Variants in ANTXR1 observed in about 807,000 individuals in gnomAD.
ANTXR1 encodes the protein ANTXR cell adhesion molecule 1, also known as anthrax toxin receptor 1.
Under a neutral mutation model 78.1 loss-of-function variants are expected in ANTXR1, and 19 were observed. That is an observed-to-expected ratio of 0.24 (90% confidence interval 0.17 to 0.36). The LOEUF (loss-of-function observed/expected upper bound fraction) is 0.36, where lower values mean the gene tolerates loss of function less well. Among genes scored for constraint, ANTXR1 ranks in the 10% least tolerant of loss-of-function variants. The pLI is 1.00. For synonymous variants in ANTXR1, 273 were observed against 260.5 expected (o/e 1.05, Z -0.46); for missense variants, 518 against 718.6 (o/e 0.72, Z 3.19).
At chr2:69,040,011 TG>T (rs1558738554) in intron 1 of ANTXR1, 32 bp from the exon 2 acceptor site, 1 of 1,584,252 alleles carries the variant, frequency 6.3e-7, no homozygotes. Context: ...AGTAAACACC[TG>T]AGTCACGCAA....
intron 6 of ANTXR1, 140 bp from the exon 7 acceptor site, chr2:69,075,450 G>A: frequency 1.2e-6 from 1 of 806,072 alleles, no homozygotes; most frequent in Non-Finnish European, 2.2e-6. Flanking sequence ...CTGGGGACAG[G>A]GATTGCCTTC....
chr2:69,056,485 G>A (rs1405829625), intron 3 of ANTXR1, among the ~76,000 whole-genome samples: 1 of 151,858 alleles, frequency 6.6e-6, no homozygotes, highest in Non-Finnish European at 1.5e-5. Flanking sequence ...AAAGGTTAAT[G>A]AACACTCATT....
chr2:69,164,397 G>A (rs1182889649), intron 13 of ANTXR1, among the ~76,000 whole-genome samples: 6 of 152,192 alleles, frequency 3.9e-5, no homozygotes, highest in Admixed American at 3.9e-4. Context: ...GCTTATTTGA[G>A]AGGCAAGGAA....
chr2:69,172,357 A>ATT, intron 14 of ANTXR1: 2 of 1,610,006 alleles, frequency 1.2e-6, no homozygotes, highest in Non-Finnish European at 1.7e-6. Context: ...TTCCTAATGT[A>ATT]TTTTGGCAGG....
intron 3 of ANTXR1, among the ~76,000 whole-genome samples, chr2:69,051,539 T>A (rs549351128): frequency 2.6e-4 from 40 of 152,166 alleles, no homozygotes; most frequent in African/African-American, 9.4e-4. Context: ...AAAAATTCAA[T>A]TTATATAATT....
intron 7 of ANTXR1, 75 bp from the exon 8 acceptor site, chr2:69,077,333 C>T: frequency 1.3e-6 from 2 of 1,537,610 alleles, no homozygotes; most frequent in East Asian, 4.5e-5. Flanking sequence ...CCCTTAGCCC[C>T]AACGGCTTTC....
chr2:69,063,698 A>C (rs575225423), intron 3 of ANTXR1, among the ~76,000 whole-genome samples: 1 of 152,294 alleles, frequency 6.6e-6, no homozygotes, highest in Non-Finnish European at 1.5e-5. Context: ...TAAGACAGAA[A>C]TAACACTATT....
At chr2:69,130,331 G>GA (rs572820662) in intron 12 of ANTXR1, among the ~76,000 whole-genome samples, 11 of 152,176 alleles carry the variant, frequency 7.2e-5, no homozygotes, top group Admixed American at 7.2e-4. Context: ...TGATTTATAT[G>GA]AAAAACAGCC....
chr2:69,241,467 G>A (rs1005657420), intron 17 of ANTXR1, among the ~76,000 whole-genome samples: 4 of 152,238 alleles, frequency 2.6e-5, no homozygotes, highest in Non-Finnish European at 4.4e-5. Context: ...TATTGATGCC[G>A]AGTCTGCACC....
At chr2:69,052,344 T>C (rs921597346) in intron 3 of ANTXR1, among the ~76,000 whole-genome samples, 2 of 152,102 alleles carry the variant, frequency 1.3e-5, no homozygotes, top group Non-Finnish European at 2.9e-5. Context: ...TAAGTCACCA[T>C]TTATATGAGA....
chr2:69,090,748 A>G, intron 8 of ANTXR1, 111 bp from the exon 9 acceptor site: 3 of 1,088,358 alleles, frequency 2.8e-6, no homozygotes, highest in Admixed American at 1.8e-5. Context: ...CACCGCAACC[A>G]AATGTCCTTG....
intron 12 of ANTXR1, among the ~76,000 whole-genome samples, 191 bp downstream of exon 12, chr2:69,124,834 T>C (rs1353095293): frequency 6.6e-6 from 1 of 152,144 alleles, no homozygotes; most frequent in African/African-American, 2.4e-5. Flanking sequence ...CCAGAGTGTA[T>C]CAGGCATGTC....
intron 1 of ANTXR1, among the ~76,000 whole-genome samples, chr2:69,014,498 C>T (rs556136059): frequency 6.6e-6 from 1 of 152,154 alleles, no homozygotes; most frequent in Non-Finnish European, 1.5e-5. Context: ...AGTGGTTAGG[C>T]TTTAGGATTT....
At chr2:69,168,649 A>G (rs1288758307) in intron 13 of ANTXR1, among the ~76,000 whole-genome samples, 1 of 151,602 alleles carries the variant, frequency 6.6e-6, no homozygotes, top group Non-Finnish European at 1.5e-5. Context: ...CCAGATCCTC[A>G]CCCCTCCCTC....
intron 10 of ANTXR1, among the ~76,000 whole-genome samples, chr2:69,105,349 T>G (rs535774032): frequency 2.0e-5 from 3 of 152,194 alleles, no homozygotes; most frequent in Non-Finnish European, 4.4e-5. Flanking sequence ...AGCACAATAC[T>G]AAGTTTGGAG....
chr2:69,245,380 C>G lies in ANTXR1; in HGVS notation c.1590C>G (p.Thr530=). 17 of 1,500,792 alleles carry G rather than the reference C, an allele frequency of 1.1e-5. No individual in the cohort carries two copies. The highest frequency in any genetic ancestry group is 1.3e-5 in the Non-Finnish European group (15 of 1,119,136). The allele number at this position is 1,500,792 out of a possible 1,614,324, so 93.0% of individuals were successfully genotyped here. A position where few individuals can be genotyped will look rare whatever the true frequency, so the allele number is the denominator to read the frequency against. Reference sequence around the variant, plus strand: ...CTCCCCCGCCCCCCAGCGCCCCTACCCCTCCCATCCCGTCCCCACCTTCCA... The same window carrying G: ...CTCCCCCGCCCCCCAGCGCCCCTACGCCTCCCATCCCGTCCCCACCTTCCA... ...HCPPPPPSAP[T]PPIPSPPSTL... is the part of the protein sequence containing the mutation. The change falls in exon 18 of 18, where the codon ACC becomes ACG. Residue 530 remains threonine (T), a synonymous_variant. Coordinates refer to ENST00000303714, the MANE Select transcript of ANTXR1 (RefSeq NM_032208.3).
intron 10 of ANTXR1, among the ~76,000 whole-genome samples, chr2:69,113,206 T>C (rs1454958270): frequency 6.6e-6 from 1 of 152,196 alleles, no homozygotes. Context: ...CCTGCTGTCC[T>C]GCGGGGGTAA....
At chr2:69,079,163 A>C (rs1441564209) in intron 8 of ANTXR1, among the ~76,000 whole-genome samples, 1 of 152,172 alleles carries the variant, frequency 6.6e-6, no homozygotes, top group Non-Finnish European at 1.5e-5. Context: ...GAAATTATTG[A>C]TAGCATAGAG....
chr2:69,230,315 T>C (rs1024082520), intron 17 of ANTXR1, among the ~76,000 whole-genome samples: 3 of 152,124 alleles, frequency 2.0e-5, no homozygotes, highest in Middle Eastern at 3.4e-3. Context: ...AGTATATTTT[T>C]GCCTTTTTTA....
Sources: gnomAD v4.1 joint callset for allele counts (sites outside exome capture counted in the v4.1 genomes callset) on GRCh38, gnomAD v4.1.1 for gene constraint, MANE v1.5 for transcripts, NCBI Gene and HGNC (gene_info 2026-07-23, HGNC 2026-07-21) for gene names.